HS6ST2: variants seen among roughly 807,000 people sequenced by gnomAD.
HS6ST2 encodes heparan-sulfate 6-O-sulfotransferase 2.
A neutral mutation model predicts 33.0 loss-of-function variants in HS6ST2; 17 were observed. The ratio of observed to expected loss-of-function variants is 0.52; its 90% confidence interval spans 0.35 to 0.77. The LOEUF is 0.77. HS6ST2 is among the 30% of genes least tolerant of loss of function. The probability of loss-of-function intolerance (pLI) is 0.01; values close to 1 mark genes in which losing one functional copy is unlikely to be tolerated. For missense variants in HS6ST2, 519 were observed against 551.7 expected, an observed-to-expected ratio of 0.94 and a Z score of 0.59; for synonymous variants, 248 against 237.1, an observed-to-expected ratio of 1.05 and a Z score of -0.42.
chrX:132,773,279 A>G (rs748221113), intron 2 of HS6ST2, among the ~76,000 whole-genome samples: 9 of 105,724 alleles, frequency 8.5e-5, no homozygotes, highest in African/African-American at 2.7e-4. Context: ...GTCAACATTA[A>G]CTCATTAACA....
chrX:132,723,076 G>A (rs1338857089), intron 2 of HS6ST2, among the ~76,000 whole-genome samples: 1 of 111,213 alleles, frequency 9.0e-6, no homozygotes, highest in Non-Finnish European at 1.9e-5. Context: ...GGAAAATCCA[G>A]AAGAAATGGA....
chrX:132,880,649 T>A (rs1391419155), intron 2 of HS6ST2, among the ~76,000 whole-genome samples: 3 of 110,167 alleles, frequency 2.7e-5, no homozygotes, highest in Non-Finnish European at 5.7e-5. Context: ...TTACTATACT[T>A]TAAGTTCCAG....
chrX:132,783,293 C>A lies in HS6ST2; in HGVS notation c.948-74799G>T, dbSNP rs531135619. Among the ~76,000 whole-genome samples, 23 of 112,188 alleles carry A rather than the reference C, an allele frequency of 2.1e-4. No homozygotes were observed. In the South Asian group the frequency reaches 7.9e-3, roughly 39 times the overall value. ...TGGGTATTCCACAAGTGTTCAATCT[C>A]ATTTCCTAAATCACAGAGACAATGA... is the stretch of plus-strand genomic sequence containing the variant. On this transcript the variant is annotated intron_variant, in intron 2 of 4. Coordinates refer to ENST00000370833, the MANE Select transcript of HS6ST2 (RefSeq NM_001394073.1).
chrX:132,823,861 ATAAT>A (rs2065488948), intron 2 of HS6ST2, among the ~76,000 whole-genome samples: 2 of 103,780 alleles, frequency 1.9e-5, no homozygotes, highest in African/African-American at 7.0e-5. Context: ...AAAAATAATA[ATAAT>A]AATAATAATA....
chrX:132,957,400 T>G, intron 1 of HS6ST2, 74 bp from the exon 2 acceptor site: 1 of 1,035,714 alleles, frequency 9.7e-7, no homozygotes, highest in Admixed American at 3.5e-5. Flanking sequence ...CACCGCCCCC[T>G]TCCCCTGGAG....
At chrX:132,778,911 T>G (rs772804039) in intron 2 of HS6ST2, among the ~76,000 whole-genome samples, 3 of 112,004 alleles carry the variant, frequency 2.7e-5, no homozygotes, top group Non-Finnish European at 5.6e-5. Context: ...ACTATGTTTC[T>G]TTTTTCAAAA....
At chrX:132,933,681 T>C in intron 2 of HS6ST2, among the ~76,000 whole-genome samples, 1 of 111,253 alleles carries the variant, frequency 9.0e-6, no homozygotes, top group South Asian at 3.8e-4. Flanking sequence ...ATACTAAAAA[T>C]GTTAAAAAGA....
At chrX:132,815,360 T>C (rs1188542345) in intron 2 of HS6ST2, among the ~76,000 whole-genome samples, 1 of 111,963 alleles carries the variant, frequency 8.9e-6, no homozygotes. Flanking sequence ...ACAAGAGTCC[T>C]ATAAGGTAGT....
At chrX:132,866,403 C>G (rs1315302438) in intron 2 of HS6ST2, among the ~76,000 whole-genome samples, 2 of 93,753 alleles carry the variant, frequency 2.1e-5, no homozygotes, top group Non-Finnish European at 4.2e-5. Context: ...AGTTTGAAGT[C>G]AGGTAGTGTG....
chrX:132,669,287 A>C (rs946786331), intron 3 of HS6ST2, 88 bp from the exon 4 acceptor site: 15 of 747,008 alleles, frequency 2.0e-5, no homozygotes, highest in Middle Eastern at 7.9e-4. Flanking sequence ...AAGACTCTCA[A>C]GGCCAGCCTG....
chrX:132,665,411 A>G (rs1249778876), intron 4 of HS6ST2, among the ~76,000 whole-genome samples: 1 of 111,919 alleles, frequency 8.9e-6, no homozygotes, highest in African/African-American at 3.2e-5. Flanking sequence ...TGCCTCATGG[A>G]AAGTGACTTA....
At chrX:132,831,707 C>T (rs967466298) in intron 2 of HS6ST2, among the ~76,000 whole-genome samples, 1 of 112,182 alleles carries the variant, frequency 8.9e-6, no homozygotes, top group Non-Finnish European at 1.9e-5. Flanking sequence ...TAGGCAGAAG[C>T]CACCCAGGGC....
chrX:132,736,927 G>C (rs2148283272), intron 2 of HS6ST2, among the ~76,000 whole-genome samples: 1 of 111,865 alleles, frequency 8.9e-6, no homozygotes, highest in African/African-American at 3.2e-5. Context: ...GAATTAAAAA[G>C]ATAGAAAAGA....
intron 2 of HS6ST2, among the ~76,000 whole-genome samples, chrX:132,948,739 T>A (rs936482798): frequency 2.7e-5 from 3 of 112,553 alleles, no homozygotes; most frequent in African/African-American, 9.7e-5. Context: ...AAGGACACTG[T>A]TTTAGAGGAC....
chrX:132,739,298 G>A (rs940937824), intron 2 of HS6ST2, among the ~76,000 whole-genome samples: 3 of 110,963 alleles, frequency 2.7e-5, no homozygotes. Flanking sequence ...GCATTGGTGG[G>A]GCTGACACTA....
At chrX:132,702,399 T>C (rs2064152333) in intron 3 of HS6ST2, among the ~76,000 whole-genome samples, 1 of 112,326 alleles carries the variant, frequency 8.9e-6, no homozygotes, top group Admixed American at 9.4e-5. Flanking sequence ...TTATATTCTA[T>C]AACAGGGAAG....
At chrX:132,633,189 G>A (rs1472851929) in intron 4 of HS6ST2, among the ~76,000 whole-genome samples, 1 of 109,939 alleles carries the variant, frequency 9.1e-6, no homozygotes, top group Non-Finnish European at 1.9e-5. Flanking sequence ...CAAGAGAAAC[G>A]TGCATCAAAA....
At chrX:132,765,371 T>C (rs772698848) in intron 2 of HS6ST2, among the ~76,000 whole-genome samples, 1 of 112,733 alleles carries the variant, frequency 8.9e-6, no homozygotes, top group African/African-American at 3.2e-5. Context: ...TAACACTAAT[T>C]ACCATTTAAT....
chrX:132,928,711 A>G (rs1602888605), intron 2 of HS6ST2, among the ~76,000 whole-genome samples: 2 of 110,753 alleles, frequency 1.8e-5, no homozygotes, highest in African/African-American at 3.3e-5. Context: ...AGCACCGAAT[A>G]CCCTATTTGA....
Sources: gnomAD v4.1 joint callset for allele counts (sites outside exome capture counted in the v4.1 genomes callset) on GRCh38, gnomAD v4.1.1 for gene constraint, MANE v1.5 for transcripts, NCBI Gene and HGNC (gene_info 2026-07-23, HGNC 2026-07-21) for gene names.